The following ANK3 variants were observed in gnomAD, a reference collection of about 807,000 sequenced individuals.
The protein encoded by ANK3 is ankyrin-3.
In ANK3, 57 loss-of-function variants were observed where a neutral mutation model predicts 370.9. That is an observed-to-expected ratio of 0.15 (90% confidence interval 0.12 to 0.19). The LOEUF (loss-of-function observed/expected upper bound fraction) is 0.19, where lower values mean the gene tolerates loss of function less well. ANK3 is among the 10% of genes least tolerant of loss of function. ANK3 has a pLI of 1.00. For missense variants in ANK3, 4,439 were observed against 5,302.1 expected, an observed-to-expected ratio of 0.84 and a Z score of 5.06; for synonymous variants, 1,929 against 1,946.3, an observed-to-expected ratio of 0.99 and a Z score of 0.23.
intron 1 of ANK3, among the ~76,000 whole-genome samples, chr10:60,710,267 G>A (rs1209245570): frequency 6.6e-6 from 1 of 152,144 alleles, no homozygotes; most frequent in East Asian, 1.9e-4. Flanking sequence ...GCTCACCACA[G>A]TAGCAACAGG....
At chr10:60,134,474 A>G in intron 24 of ANK3, 101 bp from the exon 25 acceptor site, 1 of 769,654 alleles carries the variant, frequency 1.3e-6, no homozygotes, top group Middle Eastern at 2.4e-4. Context: ...AGATGGCTAA[A>G]AATATCAACA....
chr10:60,170,961 T>G (rs547242536), intron 21 of ANK3, among the ~76,000 whole-genome samples: 8 of 152,188 alleles, frequency 5.3e-5, no homozygotes, highest in Non-Finnish European at 1.2e-4. Flanking sequence ...ATTATATATT[T>G]ACTGCAATGA....
intron 2 of ANK3, among the ~76,000 whole-genome samples, chr10:60,566,601 TGGA>T (rs2077467977): frequency 6.6e-6 from 1 of 152,174 alleles, no homozygotes; most frequent in African/African-American, 2.4e-5. Flanking sequence ...CCAGGCATGG[TGGA>T]GCTCACACCT....
At chr10:60,229,845 G>T (rs1408499431) in intron 8 of ANK3, among the ~76,000 whole-genome samples, 2 of 152,160 alleles carry the variant, frequency 1.3e-5, no homozygotes, top group African/African-American at 4.8e-5. Flanking sequence ...TGCTAAGTAT[G>T]CTAAGTGTGG....
intron 1 of ANK3, among the ~76,000 whole-genome samples, chr10:60,629,649 C>A (rs2078456084): frequency 6.6e-6 from 1 of 151,996 alleles, no homozygotes; most frequent in South Asian, 2.1e-4. Flanking sequence ...ACATTTATTA[C>A]AAATGTTATG....
chr10:60,356,247 C>T (rs2057721612), intron 1 of ANK3, among the ~76,000 whole-genome samples: 1 of 152,210 alleles, frequency 6.6e-6, no homozygotes, highest in Admixed American at 6.5e-5. Flanking sequence ...ACAATTTTCA[C>T]AGGAAATTTG....
intron 13 of ANK3, among the ~76,000 whole-genome samples, chr10:60,199,191 G>A (rs1451515679): frequency 2.0e-5 from 3 of 152,142 alleles, no homozygotes; most frequent in South Asian, 2.1e-4. Flanking sequence ...AGTGGGAGGC[G>A]CAAATCATCT....
At chr10:60,197,925 C>T (rs914715001) in intron 14 of ANK3, among the ~76,000 whole-genome samples, 2 of 152,102 alleles carry the variant, frequency 1.3e-5, no homozygotes, top group African/African-American at 4.8e-5. Flanking sequence ...CAAGAACAAA[C>T]AAAAACAACC....
At chr10:60,043,267 A>G in intron 42 of ANK3, 2 of 985,582 alleles carry the variant, frequency 2.0e-6, no homozygotes, top group Non-Finnish European at 2.4e-6. Context: ...AGCATCAGGA[A>G]TACAGTTCCC....
At chr10:60,648,865 TGC>T (rs2078748476) in intron 1 of ANK3, among the ~76,000 whole-genome samples, 1 of 15,740 alleles carries the variant, frequency 6.4e-5, no homozygotes, top group Non-Finnish European at 1.6e-4. Context: ...AAGCTGCTTC[TGC>T]TCCTGCTCCT....
At chr10:60,207,236 A>G (rs75160833) in intron 10 of ANK3, among the ~76,000 whole-genome samples, 5,893 of 152,278 alleles carry the variant, frequency 0.039, 363 homozygotes, top group African/African-American at 0.13. Context: ...GAGCCCACAG[A>G]GTACAAGAGG....
At position 60,395,549 on chromosome 10, in the gene ANK3, CCTCTTTCTTTCT is replaced by C. The variant is rs748159176; in HGVS notation, c.97-115922_97-115911del. Among the ~76,000 whole-genome samples, 770 of 119,090 alleles carry C rather than the reference CCTCTTTCTTTCT, an allele frequency of 6.5e-3. 22 individuals carry two copies. Among genetic ancestry groups the C allele is most frequent in the Admixed American group, 0.036 (447 of 12,430 alleles). 78.1% of individuals were successfully genotyped at this position (119,090 alleles called of 152,430 possible). A position where few individuals can be genotyped will look rare whatever the true frequency, so the allele number is the denominator to read the frequency against. On this transcript the variant is annotated intron_variant, in intron 2 of 43. Coordinates refer to the ANK3 transcript ENST00000373827. ...GAACACTTAGCAATCAACTACTATG[CCTCTTTCTTTCT>C]TTCTTTCTTTCTTTCTTTCTTTCTT...
chr10:60,485,642 T>A lies in ANK3; in HGVS notation c.96+129544A>T, dbSNP rs183579052. On this transcript the variant is annotated intron_variant, in intron 2 of 43. Transcript: ENST00000373827. The stretch of plus-strand genomic sequence containing the variant: ...CCTGGTGTTCCCATTGTCTTTGTGA[T>A]CAAGTCTCTGTACATCTGCCATACT... Among the ~76,000 whole-genome samples the A allele has an allele frequency of 1.7e-3, 256 of 152,300 alleles. 1 individual carries two copies. Among genetic ancestry groups the A allele is most frequent in the African/African-American group, 5.9e-3 (246 of 41,560 alleles).
intron 1 of ANK3, among the ~76,000 whole-genome samples, chr10:60,380,670 T>C (rs1012832651): frequency 6.6e-6 from 1 of 152,196 alleles, no homozygotes; most frequent in Non-Finnish European, 1.5e-5. Context: ...CTGCTTCATA[T>C]ACTTTTGCTG....
chr10:60,177,363 A>G (rs894101610), intron 18 of ANK3, among the ~76,000 whole-genome samples: 1 of 152,156 alleles, frequency 6.6e-6, no homozygotes, highest in African/African-American at 2.4e-5. Context: ...CCAGATCAAT[A>G]TGTGAGTCAT....
Position 60,157,335 on chromosome 10 carries a change from C to CCTT in ANK3, c.2614+9255_2614+9256insAAG, listed in dbSNP as rs1256172341. Reference sequence around the variant, plus strand: ...TACAGGCGTGAGCCACTGTGCCCGGCTTTTTTTTTTTTTTTTTTAAAGGGG... The same window carrying CCTT: ...TACAGGCGTGAGCCACTGTGCCCGGCCTTTTTTTTTTTTTTTTTTTTAAAGGGG... On this transcript the variant is annotated intron_variant, in intron 23 of 43. Transcript: ENST00000280772. 7.1e-4 allele frequency among the ~76,000 whole-genome samples: 86 copies of CCTT among 121,124 alleles called. 2 individuals carry two copies. Among genetic ancestry groups the CCTT allele is most frequent in the African/African-American group, 2.2e-3 (75 of 33,458 alleles). 79.5% of individuals were successfully genotyped at this position (121,124 alleles called of 152,430 possible).
At chr10:60,200,936 T>G (rs1189256081) in intron 12 of ANK3, among the ~76,000 whole-genome samples, 1 of 152,204 alleles carries the variant, frequency 6.6e-6, no homozygotes, top group African/African-American at 2.4e-5. Context: ...TTTCACCAAA[T>G]AGATTCTAAT....
intron 26 of ANK3, among the ~76,000 whole-genome samples, chr10:60,110,235 A>G (rs2092597811): frequency 6.6e-6 from 1 of 152,156 alleles, no homozygotes; most frequent in African/African-American, 2.4e-5. Context: ...TCTTCTGAAG[A>G]ATGCTACCTC....
At chr10:60,287,742 C>A (rs968539662) in intron 1 of ANK3, among the ~76,000 whole-genome samples, 1 of 152,160 alleles carries the variant, frequency 6.6e-6, no homozygotes, top group East Asian at 1.9e-4. Flanking sequence ...TGCTTGATAG[C>A]AAGCCCAGGC....
Sources: allele counts gnomAD v4.1 joint callset (sites outside exome capture counted in the v4.1 genomes callset), GRCh38; gene constraint gnomAD v4.1.1; transcripts MANE v1.5; gene names NCBI Gene and HGNC (gene_info 2026-07-23, HGNC 2026-07-21).